KANK1: variants seen among roughly 807,000 people sequenced by gnomAD.
KANK1 encodes the protein KN motif and ankyrin repeat domains 1.
In KANK1, 109 loss-of-function variants were observed where a neutral mutation model predicts 106.2. The ratio of observed to expected loss-of-function variants is 1.03; its 90% CI spans 0.88 to 1.20. The LOEUF (loss-of-function observed/expected upper bound fraction) is 1.20, where lower values mean the gene tolerates loss of function less well. KANK1 is among the 50% of genes most tolerant of loss of function. The probability of loss-of-function intolerance (pLI) is 0.00; values close to 1 mark genes in which losing one functional copy is unlikely to be tolerated. For missense variants in KANK1, 2,399 were observed against 1,710.7 expected (o/e 1.40, Z -7.10); for synonymous variants, 873 against 652.2 (o/e 1.34, Z -5.16).
At position 681,896 on chromosome 9, in the gene KANK1, C is replaced by T. The variant is rs752846064; in HGVS notation, c.37+4887C>T. Among the ~76,000 whole-genome samples, 4 of 152,156 alleles carry T rather than the reference C, an allele frequency of 2.6e-5. No individual in the cohort carries two copies. The South Asian group carries it at 6.2e-4, about 24-fold the overall frequency. On this transcript the variant is annotated intron_variant, in intron 2 of 11. Transcript: ENST00000382297. ...TTCCCCAATTGATTATAGCTTTTCC[C>T]TCATGCTCTTTCTTTTTTTGCAGCC...
chr9:706,358 A>C (rs886100055), intron 2 of KANK1, among the ~76,000 whole-genome samples: 7 of 152,234 alleles, frequency 4.6e-5, no homozygotes, highest in African/African-American at 1.4e-4. Context: ...GAAATAACTA[A>C]AGATGGACCA....
chr9:594,423 T>C (rs1825735109), intron 1 of KANK1, among the ~76,000 whole-genome samples: 1 of 151,838 alleles, frequency 6.6e-6, no homozygotes, highest in Non-Finnish European at 1.5e-5. Flanking sequence ...GGACAAATCA[T>C]ATACCAGAAG....
At chr9:643,983 G>T (rs772762652) in intron 1 of KANK1, among the ~76,000 whole-genome samples, 3 of 151,044 alleles carry the variant, frequency 2.0e-5, no homozygotes, top group African/African-American at 5.0e-5. Flanking sequence ...GATTACAGGC[G>T]TGAGCTGCCA....
rs547673929 is a variant in KANK1, at chr9:641,911, A to G, written c.-83-34979A>G. ...TTAACATAATCGTGTAACCATTGGC[A>G]TAAACAACATTAGAACATTTTCATC... On this transcript the variant is annotated intron_variant, in intron 1 of 11. Coordinates refer to ENST00000382297, the MANE Select transcript of KANK1 (RefSeq NM_015158.5). 3.3e-5 allele frequency among the ~76,000 whole-genome samples: 5 copies of G among 152,314 alleles called. No individual in the cohort carries two copies. The East Asian group carries it at 5.8e-4, about 18-fold the overall frequency.
At chr9:580,614 A>G (rs1373379327) in intron 1 of KANK1, among the ~76,000 whole-genome samples, 1 of 152,212 alleles carries the variant, frequency 6.6e-6, no homozygotes, top group Non-Finnish European at 1.5e-5. Context: ...ACCTTGAGCT[A>G]GACACAGAGT....
intron 2 of KANK1, chr9:680,741 C>T (rs1440556037): frequency 3.3e-5 from 5 of 152,140 alleles, no homozygotes; most frequent in South Asian, 2.1e-4. Flanking sequence ...ATCTAAAATT[C>T]GGTTTAATGG....
rs115469592 is a variant in KANK1 at position 588,547 on chromosome 9, C to T, written c.-84+83793C>T. Among the ~76,000 whole-genome samples the T allele has an allele frequency of 5.3e-3, 799 of 152,104 alleles. 12 individuals carry two copies. Among genetic ancestry groups the T allele is most frequent in the African/African-American group, 0.018 (753 of 41,470 alleles). On this transcript the variant is annotated intron_variant, in intron 1 of 11. Transcript: ENST00000382297. ...AGCAGTATATTGAAGTACCTGGTAA[C>T]TTTCAGCTCTCAGCAACATTGGTAG...
intron 1 of KANK1, among the ~76,000 whole-genome samples, chr9:560,308 A>G (rs58029056): frequency 0.15 from 23,116 of 152,270 alleles, 1,934 homozygotes; most frequent in East Asian, 0.3. Flanking sequence ...TTGGAAAAGC[A>G]TGGGCTTGAT....
At chr9:649,130 T>C (rs1386224024) in intron 1 of KANK1, among the ~76,000 whole-genome samples, 1 of 152,156 alleles carries the variant, frequency 6.6e-6, no homozygotes, top group East Asian at 1.9e-4. Flanking sequence ...TCCTGGCATA[T>C]AAGGATATAT....
chr9:738,928 C>G (rs145195545), intron 8 of KANK1, among the ~76,000 whole-genome samples: 3 of 152,198 alleles, frequency 2.0e-5, no homozygotes, highest in Admixed American at 6.5e-5. Flanking sequence ...TACTCCATGA[C>G]TGCTGTCCTT....
rs370791961 is a variant in KANK1 at position 712,843 on chromosome 9, G to A, written c.2077G>A (p.Glu693Lys). The A allele has an allele frequency of 7.2e-5, 116 of 1,613,768 alleles. No individual in the cohort carries two copies. The highest frequency in any genetic ancestry group is 1.6e-4 in the Middle Eastern group (1 of 6,084). ...FTNTETATLI[E>K]SCTNTCLSTL... ...CAACACCGAGACGGCCACCCTCATA[G>A]AGTCCTGCACCAACACTTGTCTAAG... is the stretch of plus-strand genomic sequence containing the variant. Residue 693 changes from glutamate (E) to lysine (K), a missense_variant, in exon 3 of 12, where the codon GAG (glutamate) becomes AAG (lysine). Glu to Lys is a moderately conservative substitution (Grantham distance 56). Coordinates refer to ENST00000382297, the MANE Select transcript of KANK1 (RefSeq NM_015158.5).
At chr9:526,219 A>C (rs555015282) in intron 1 of KANK1, among the ~76,000 whole-genome samples, 1 of 151,750 alleles carries the variant, frequency 6.6e-6, no homozygotes, top group Non-Finnish European at 1.5e-5. Flanking sequence ...TCTCTCAGGC[A>C]TTTCTCCCAG....
chr9:725,435 G>C (rs1002718109), intron 3 of KANK1, among the ~76,000 whole-genome samples: 1 of 148,596 alleles, frequency 6.7e-6, no homozygotes, highest in African/African-American at 2.5e-5. Flanking sequence ...GGAGGTTGCA[G>C]TGAACTGAGA....
At chr9:571,066 A>G (rs1819027053) in intron 1 of KANK1, among the ~76,000 whole-genome samples, 2 of 152,192 alleles carry the variant, frequency 1.3e-5, no homozygotes, top group Admixed American at 6.5e-5. Flanking sequence ...GATTTCTTGT[A>G]AAAATGGGAC....
At chr9:572,982 G>T (rs1819598042) in intron 1 of KANK1, among the ~76,000 whole-genome samples, 1 of 152,122 alleles carries the variant, frequency 6.6e-6, no homozygotes. Context: ...TAAAGTTGAG[G>T]TTTAACCAAA....
intron 1 of KANK1, among the ~76,000 whole-genome samples, chr9:554,015 G>A (rs777361785): frequency 4.6e-5 from 7 of 152,152 alleles, no homozygotes; most frequent in African/African-American, 1.4e-4. Flanking sequence ...TGGGACTGGC[G>A]TACAAATGTA....
chr9:585,274 G>A (rs772189334), intron 1 of KANK1, among the ~76,000 whole-genome samples: 7 of 152,138 alleles, frequency 4.6e-5, no homozygotes, highest in Non-Finnish European at 7.4e-5. Context: ...CATCATCCTT[G>A]CTGCCATTGA....
chr9:477,197 A>G (rs1413873855), intron 3 of KANK1, among the ~76,000 whole-genome samples: 5 of 151,596 alleles, frequency 3.3e-5, no homozygotes, highest in African/African-American at 9.7e-5. Flanking sequence ...TATATTTTAG[A>G]TGTATTTTTC....
chr9:690,133 C>CAAAAAAAAAAAAAA (rs57837964), intron 2 of KANK1, among the ~76,000 whole-genome samples: 25 of 61,622 alleles, frequency 4.1e-4, no homozygotes, highest in Non-Finnish European at 6.0e-4. Flanking sequence ...TCTAAAAATA[C>CAAAAAAAAAAAAAA]AAAAAAAAAA....
Sources: allele counts gnomAD v4.1 joint callset (sites outside exome capture counted in the v4.1 genomes callset), GRCh38; gene constraint gnomAD v4.1.1; transcripts MANE v1.5; gene names NCBI Gene and HGNC (gene_info 2026-07-23, HGNC 2026-07-21).